The following DNAJA3 variants were observed in gnomAD, a reference collection of about 807,000 sequenced individuals.
The protein encoded by DNAJA3 is dnaJ homolog subfamily A member 3, mitochondrial.
Under a neutral mutation model 54.9 loss-of-function variants are expected in DNAJA3, and 29 were observed. The ratio of observed to expected loss-of-function variants is 0.53; its 90% CI spans 0.39 to 0.72. The LOEUF (loss-of-function observed/expected upper bound fraction) is 0.72. Ranked by LOEUF, DNAJA3 falls within the 30% of genes least tolerant of loss-of-function variation. The pLI is 0.00. For synonymous variants in DNAJA3, 302 were observed against 251.4 expected (o/e 1.20, Z -1.90); for missense variants, 708 against 639.4 (o/e 1.11, Z -1.16).
chr16:4,431,157 C>G (rs1023036093), intron 1 of DNAJA3: 1 of 152,200 alleles, frequency 6.6e-6, no homozygotes, highest in Non-Finnish European at 1.5e-5. Context: ...GTTCTCTGCC[C>G]GTAATGTTGA....
At chr16:4,432,228 G>T (rs906690628) in intron 1 of DNAJA3, among the ~76,000 whole-genome samples, 2 of 150,366 alleles carry the variant, frequency 1.3e-5, no homozygotes, top group African/African-American at 4.9e-5. Flanking sequence ...TCTCTGTGTT[G>T]CCCAGGCTGG....
At chr16:4,434,341 G>A (rs1052891525) in intron 1 of DNAJA3, 43 bp from the exon 2 acceptor site, 3 of 1,600,702 alleles carry the variant, frequency 1.9e-6, no homozygotes, top group Non-Finnish European at 2.5e-6. Context: ...TTCTTTTGTT[G>A]AGAACATTCC....
intron 6 of DNAJA3, among the ~76,000 whole-genome samples, chr16:4,444,172 CTG>C (rs1484548291): frequency 2.0e-5 from 3 of 152,124 alleles, no homozygotes; most frequent in Admixed American, 1.3e-4. Context: ...CATCAGGTGT[CTG>C]TGTTGCATCT....
intron 7 of DNAJA3, 112 bp downstream of exon 7, chr16:4,444,840 A>G (rs983729848): frequency 4.0e-5 from 41 of 1,026,184 alleles, no homozygotes; most frequent in Non-Finnish European, 5.7e-5. Context: ...CTCGCCATTC[A>G]TGTTTCTGAG....
chr16:4,455,568 G>T lies in DNAJA3; in HGVS notation c.*36G>T, dbSNP rs749246483. ...CAGGAAAAAGATCCACTGGAAACTAGGCCGGGAAGCAGCAGCCCCTCCAAG... is the reference window on the plus strand; with the variant it reads ...CAGGAAAAAGATCCACTGGAAACTATGCCGGGAAGCAGCAGCCCCTCCAAG... On this transcript the variant is annotated 3_prime_UTR_variant, in exon 12 of 12. Transcript: ENST00000262375. 6.4e-6 allele frequency: 10 copies of T among 1,551,684 alleles called. No homozygotes were observed. The African/African-American group carries it at 1.2e-4, about 19-fold the overall frequency.
intron 3 of DNAJA3, 80 bp downstream of exon 3, chr16:4,437,565 C>A: frequency 8.6e-7 from 1 of 1,168,268 alleles, no homozygotes; most frequent in Non-Finnish European, 1.3e-6. Context: ...CCTGGGACAG[C>A]CTGGTGTGTC....
At chr16:4,437,570 T>C (rs1237207551) in intron 3 of DNAJA3, 85 bp downstream of exon 3, 2 of 1,118,396 alleles carry the variant, frequency 1.8e-6, no homozygotes, top group Non-Finnish European at 2.7e-6. Flanking sequence ...GACAGCCTGG[T>C]GTGTCATACA....
intron 3 of DNAJA3, among the ~76,000 whole-genome samples, chr16:4,439,107 A>T (rs1411019219): frequency 6.6e-6 from 1 of 150,956 alleles, no homozygotes; most frequent in Non-Finnish European, 1.5e-5. Context: ...GCACTTTGGG[A>T]GGCCAAGACA....
intron 3 of DNAJA3, chr16:4,441,053 A>G: frequency 2.4e-6 from 1 of 420,794 alleles, no homozygotes. Flanking sequence ...CTGAGGAGAG[A>G]GGTGAAGTGT....
intron 1 of DNAJA3, among the ~76,000 whole-genome samples, chr16:4,428,963 A>G (rs960509953): frequency 8.7e-5 from 12 of 138,260 alleles, no homozygotes; most frequent in East Asian, 4.1e-4. Context: ...ATCTCGGCTC[A>G]CTGCAAACTC....
rs1417170160 is a variant in DNAJA3 at position 4,446,899 on chromosome 16, C to G, written c.1010C>G (p.Pro337Arg). The G allele has an allele frequency of 6.2e-7, 1 of 1,614,044 alleles. No individual in the cohort carries two copies. Among genetic ancestry groups the G allele is most frequent in the African/African-American group, 1.3e-5 (1 of 75,024 alleles). ...GTTTGGCCTTAGGTGCAGAAAAGCC[C>G]TGTGTTCCGGAGGGACGGCGCAGAC... ...IFITFRVQKS[P>R]VFRRDGADIH... Residue 337 changes from proline to arginine, a missense_variant, in exon 8 of 12, where the codon CCT becomes CGT. Physicochemically the swap from Pro to Arg is moderately radical, Grantham distance 103. Coordinates refer to ENST00000262375, the MANE Select transcript of DNAJA3 (RefSeq NM_005147.6).
chr16:4,430,042 C>T (rs1013100824), intron 1 of DNAJA3, among the ~76,000 whole-genome samples: 2 of 151,412 alleles, frequency 1.3e-5, no homozygotes, highest in African/African-American at 4.9e-5. Context: ...CATGTGGTGG[C>T]GAGCCTCTAT....
intron 1 of DNAJA3, chr16:4,427,517 G>T (rs1226282878): frequency 6.6e-6 from 1 of 152,152 alleles, no homozygotes; most frequent in East Asian, 1.9e-4. Context: ...TGTGAGCGGG[G>T]TGTATTATTT....
At chr16:4,451,052 G>A (rs1375801948) in intron 10 of DNAJA3, among the ~76,000 whole-genome samples, 3 of 152,148 alleles carry the variant, frequency 2.0e-5, no homozygotes, top group African/African-American at 4.8e-5. Context: ...CTCAGACATC[G>A]TGCTAGCGAG....
At chr16:4,432,514 G>A (rs968766406) in intron 1 of DNAJA3, among the ~76,000 whole-genome samples, 3 of 150,684 alleles carry the variant, frequency 2.0e-5, no homozygotes, top group Non-Finnish European at 3.0e-5. Flanking sequence ...GGCTAATTTT[G>A]TATTTTTAGT....
chr16:4,447,923 C>T (rs1425634402), intron 8 of DNAJA3: 1 of 151,180 alleles, frequency 6.6e-6, no homozygotes, highest in Admixed American at 6.6e-5. Flanking sequence ...ATTTCCCAGG[C>T]TGGTCTTCAA....
Position 4,442,435 on chromosome 16 carries a change from G to C in DNAJA3, c.783+15G>C. On this transcript the variant is annotated intron_variant, in intron 5 of 11. Transcript: ENST00000262375. ...GCTCCGGCATGGTAAGGCTCTGCCC[G>C]AGACTCCACCTCCCACGGCTTGCAC... 1.3e-6 allele frequency: 2 copies of C among 1,573,054 alleles called. No homozygotes were observed. The highest frequency in any genetic ancestry group is 1.7e-6 in the Non-Finnish European group (2 of 1,156,860).
At chr16:4,445,194 A>C (rs1401912516) in intron 7 of DNAJA3, among the ~76,000 whole-genome samples, 3 of 152,240 alleles carry the variant, frequency 2.0e-5, no homozygotes, top group Non-Finnish European at 4.4e-5. Context: ...GGGGTGCACA[A>C]GAGTCCTGTC....
At position 4,437,362 on chromosome 16, in the gene DNAJA3, C is replaced by T. The variant is rs370449115; in HGVS notation, c.346-40C>T. ...TTTGTTGTTTCTGGTATTTGGGGTT[C>T]ACATTGTATCTGGAGTAATTTATCA... On this transcript the variant is annotated intron_variant, in intron 2 of 11. Coordinates refer to ENST00000262375, the MANE Select transcript of DNAJA3 (RefSeq NM_005147.6). The T allele has an allele frequency of 3.7e-4, 575 of 1,551,506 alleles. 2 individuals carry two copies. The African/African-American group carries it at 7.0e-3, about 19-fold the overall frequency.
Sources: allele counts gnomAD v4.1 joint callset (sites outside exome capture counted in the v4.1 genomes callset), GRCh38; gene constraint gnomAD v4.1.1; transcripts MANE v1.5; gene names NCBI Gene and HGNC (gene_info 2026-07-23, HGNC 2026-07-21).